The following RNF216 variants were observed in gnomAD, a reference collection of about 807,000 sequenced individuals.
The protein encoded by RNF216 is ring finger protein 216, also known as E3 ubiquitin-protein ligase RNF216.
A neutral mutation model predicts 110.8 loss-of-function variants in RNF216; 72 were observed. The ratio of observed to expected loss-of-function variants is 0.65; its 90% CI spans 0.54 to 0.79. The LOEUF (loss-of-function observed/expected upper bound fraction) is 0.79. RNF216 is among the 30% of genes least tolerant of loss of function. RNF216 has a pLI of 0.00. For synonymous variants in RNF216, 495 were observed against 407.5 expected (o/e 1.21, Z -2.59); for missense variants, 1,342 against 1,141.2 (o/e 1.18, Z -2.54).
At chr7:5,671,935 T>C (rs1266659603) in intron 13 of RNF216, among the ~76,000 whole-genome samples, 4 of 150,284 alleles carry the variant, frequency 2.7e-5, no homozygotes, top group Non-Finnish European at 5.9e-5. Flanking sequence ...AGAAACGAAA[T>C]CTGCTGACAA....
Position 5,721,166 on chromosome 7 carries a change from A to C in RNF216, c.1511T>G (p.Ile504Arg), listed in dbSNP as rs748958859. ...YIDFKFEQGD[I>R]KIEKRMFFLE... is the part of the protein sequence containing the mutation. ...AAAGAACATCCTCTTTTCTATTTTT[A>C]TGTCACCTAGAAGATATACGACAAT... Residue 504 changes from isoleucine (I) to arginine (R), a missense_variant, in exon 9 of 17, where the codon ATA (isoleucine) becomes AGA (arginine). Physicochemically the swap from Ile to Arg is moderately conservative, Grantham distance 97 (BLOSUM62 -3). Transcript: ENST00000389902. The C allele has an allele frequency of 6.2e-7, 1 of 1,613,856 alleles. No individual in the cohort carries two copies. Among genetic ancestry groups the C allele is most frequent in the Non-Finnish European group, 8.5e-7 (1 of 1,179,920 alleles).
chr7:5,773,586 G>C (rs1273618732), intron 1 of RNF216, among the ~76,000 whole-genome samples: 1 of 151,766 alleles, frequency 6.6e-6, no homozygotes, highest in Non-Finnish European at 1.5e-5. Flanking sequence ...GCCAAATTTT[G>C]AGACGGAATC....
chr7:5,755,046 G>A (rs1795547860), intron 2 of RNF216, among the ~76,000 whole-genome samples: 1 of 136,784 alleles, frequency 7.3e-6, no homozygotes, highest in African/African-American at 2.6e-5. Flanking sequence ...AAAAAAAAAG[G>A]AAACAAGGGA....
In RNF216 at chr7:5,715,196, G is replaced by A. The variant is rs750005494; in HGVS notation, c.1696-6C>T. The A allele has an allele frequency of 1.6e-5, 26 of 1,611,834 alleles. No individual in the cohort carries two copies. In the Admixed American group the frequency reaches 4.3e-4, roughly 27 times the overall value. ...CACTCAATCAGCTGGCCATCCTGCA[G>A]GCAGTCAAGAAACACACATGAAATG... On this transcript the variant is annotated splice_polypyrimidine_tract_variant and splice_region_variant and intron_variant, in intron 10 of 16. Transcript: ENST00000389902.
At chr7:5,643,693 T>C (rs576220986) in intron 14 of RNF216, among the ~76,000 whole-genome samples, 3 of 152,316 alleles carry the variant, frequency 2.0e-5, no homozygotes, top group East Asian at 3.9e-4. Context: ...GCACATAAAA[T>C]TGACTTTTTA....
chr7:5,738,288 G>A (rs913094848), intron 5 of RNF216, among the ~76,000 whole-genome samples: 25 of 151,986 alleles, frequency 1.6e-4, no homozygotes, highest in Admixed American at 1.2e-3. Context: ...GTGCAGTAGC[G>A]TAACACAGCT....
At chr7:5,762,930 C>T (rs1349720054) in intron 1 of RNF216, among the ~76,000 whole-genome samples, 1 of 152,018 alleles carries the variant, frequency 6.6e-6, no homozygotes, top group Non-Finnish European at 1.5e-5. Flanking sequence ...TTTTGTAATC[C>T]ATCCCTCTCT....
intron 3 of RNF216, among the ~76,000 whole-genome samples, chr7:5,746,602 T>A (rs1055649027): frequency 6.6e-6 from 1 of 152,064 alleles, no homozygotes; most frequent in Admixed American, 6.6e-5. Context: ...TGCAAAGTGA[T>A]TGGCTAGGTA....
At chr7:5,623,793 CTTGA>C (rs1786538668) in intron 16 of RNF216, among the ~76,000 whole-genome samples, 1 of 152,090 alleles carries the variant, frequency 6.6e-6, no homozygotes, top group African/African-American at 2.4e-5. Flanking sequence ...CCAGGTGTGG[CTTGA>C]TTGATTCCTG....
At chr7:5,682,662 C>T (rs1460436561) in intron 13 of RNF216, among the ~76,000 whole-genome samples, 2 of 152,178 alleles carry the variant, frequency 1.3e-5, no homozygotes, top group Non-Finnish European at 2.9e-5. Flanking sequence ...CCACCTCAGC[C>T]TCCCAAAGGG....
chr7:5,715,043 C>T lies in RNF216; in HGVS notation c.1833+10G>A, dbSNP rs771144096. On this transcript the variant is annotated intron_variant, in intron 11 of 16. Transcript: ENST00000389902. ...TCCTATATACATGGGACATATTACA[C>T]AGTTCTTACCTTTCCAGATCCAAAG... 3 of 1,607,518 alleles carry T rather than the reference C, an allele frequency of 1.9e-6. No individual in the cohort carries two copies. The highest frequency in any genetic ancestry group is 8.5e-7 in the Non-Finnish European group (1 of 1,176,048).
chr7:5,639,769 T>G (rs1008412756), intron 15 of RNF216, among the ~76,000 whole-genome samples: 2 of 151,694 alleles, frequency 1.3e-5, no homozygotes, highest in Non-Finnish European at 2.9e-5. Flanking sequence ...CTTAATTTTT[T>G]TTTTTTTTGA....
chr7:5,705,738 G>A (rs1268833815), intron 13 of RNF216, among the ~76,000 whole-genome samples: 5 of 151,994 alleles, frequency 3.3e-5, no homozygotes, highest in Admixed American at 6.6e-5. Context: ...GAGAAACCCC[G>A]CCTCTACAAA....
chr7:5,722,378 TTTG>T (rs200911241), intron 8 of RNF216, among the ~76,000 whole-genome samples: 8,504 of 146,790 alleles, frequency 0.058, 258 homozygotes, highest in South Asian at 0.078. Flanking sequence ...TGTTTTTTTT[TTTG>T]TTTGTTTGTT....
At chr7:5,674,780 G>C (rs1186478377) in intron 13 of RNF216, among the ~76,000 whole-genome samples, 2 of 152,090 alleles carry the variant, frequency 1.3e-5, no homozygotes, top group Non-Finnish European at 2.9e-5. Context: ...CAGATCACCT[G>C]AGATCAGGAG....
intron 13 of RNF216, among the ~76,000 whole-genome samples, chr7:5,703,895 C>T (rs902033217): frequency 6.6e-6 from 1 of 152,188 alleles, no homozygotes; most frequent in Non-Finnish European, 1.5e-5. Flanking sequence ...TGTGGCAAGG[C>T]AGAAAAGACT....
chr7:5,720,938 A>G, intron 9 of RNF216, 95 bp downstream of exon 9: 1 of 1,233,326 alleles, frequency 8.1e-7, no homozygotes. Context: ...TCTGAAGAAA[A>G]GGGAAATCTT....
rs567705945 is a variant in RNF216 at position 5,674,766 on chromosome 7, T to C, written c.2062-22256A>G. ...CAAATGTGGCTCTAGGAGGCCGAGG[T>C]TGGCAGATCACCTGAGATCAGGAGT... On this transcript the variant is annotated intron_variant, in intron 13 of 16. Transcript: ENST00000389902. Among the ~76,000 whole-genome samples, 160 of 152,098 alleles carry C rather than the reference T, an allele frequency of 1.1e-3. 1 individual carries two copies. Among genetic ancestry groups the C allele is most frequent in the South Asian group, 9.4e-3 (45 of 4,806 alleles).
At chr7:5,689,529 G>C (rs58408506) in intron 13 of RNF216, among the ~76,000 whole-genome samples, 1 of 152,100 alleles carries the variant, frequency 6.6e-6, no homozygotes, top group African/African-American at 2.4e-5. Context: ...AAAAACCCTA[G>C]GCTTGTAGTC....
Sources: allele counts gnomAD v4.1 joint callset (sites outside exome capture counted in the v4.1 genomes callset), GRCh38; gene constraint gnomAD v4.1.1; transcripts MANE v1.5; gene names NCBI Gene and HGNC (gene_info 2026-07-23, HGNC 2026-07-21).